Variants in ADGB observed in about 807,000 individuals in gnomAD.
ADGB encodes the protein calpain-7-like protein.
Under a neutral mutation model 210.5 loss-of-function variants are expected in ADGB, and 172 were observed. The ratio of observed to expected loss-of-function variants is 0.82; its 90% CI spans 0.72 to 0.93. ADGB has a LOEUF of 0.93. Among genes scored for constraint, ADGB ranks in the 40% least tolerant of loss-of-function variants. ADGB has a pLI of 0.00. For missense variants in ADGB, 2,025 were observed against 1,964.8 expected (o/e 1.03, Z -0.58); for synonymous variants, 658 against 662.7 (o/e 0.99, Z 0.11).
intron 13 of ADGB, among the ~76,000 whole-genome samples, chr6:146,702,302 C>A (rs1016400696): frequency 6.6e-6 from 1 of 151,842 alleles, no homozygotes; most frequent in South Asian, 2.1e-4. Context: ...GCATTTGATA[C>A]TGTATGATGT....
At chr6:146,785,186 C>G (rs1202789496) in intron 31 of ADGB, among the ~76,000 whole-genome samples, 1 of 152,188 alleles carries the variant, frequency 6.6e-6, no homozygotes, top group Non-Finnish European at 1.5e-5. Context: ...GTGCTGCCCC[C>G]TTGTGGAATA....
At chr6:146,770,900 T>G (rs1442856231) in intron 29 of ADGB, among the ~76,000 whole-genome samples, 1 of 152,074 alleles carries the variant, frequency 6.6e-6, no homozygotes, top group Non-Finnish European at 1.5e-5. Context: ...ATTCCCTGGA[T>G]AGTCATGGAA....
At chr6:146,751,857 T>C (rs1334918979) in intron 26 of ADGB, among the ~76,000 whole-genome samples, 6 of 152,158 alleles carry the variant, frequency 3.9e-5, no homozygotes, top group Admixed American at 3.9e-4. Flanking sequence ...AACAAAAAGT[T>C]ATATTTTTTA....
intron 1 of ADGB, among the ~76,000 whole-genome samples, chr6:146,611,471 C>T (rs140980629): frequency 3.7e-4 from 57 of 152,250 alleles, no homozygotes; most frequent in Non-Finnish European, 6.3e-4. Flanking sequence ...GCTCTCCATG[C>T]CAGCTCAAAT....
chr6:146,700,952 G>T lies in ADGB; in HGVS notation c.1589G>T (p.Arg530Leu), dbSNP rs775115322. The T allele has an allele frequency of 3.2e-6, 5 of 1,549,406 alleles. No individual in the cohort carries two copies. In the South Asian group the frequency reaches 6.0e-5, roughly 18 times the overall value. The change falls in exon 13 of 36, where the codon CGC becomes CTC. Residue 530 changes from arginine (R) to leucine (L), a missense_variant. Arg to Leu is a moderately radical substitution (Grantham distance 102). Coordinates refer to ENST00000397944, the MANE Select transcript of ADGB (RefSeq NM_024694.4). Reference sequence around the variant, plus strand: ...TGTTTTCCTTTTAGGCATTTTGTGCGCTCCTTAATTAAGAAAGGAATACCT... The same window carrying T: ...TGTTTTCCTTTTAGGCATTTTGTGCTCTCCTTAATTAAGAAAGGAATACCT... The part of the protein sequence containing the change: ...FTIPTEMHFV[R>L]SLIKKGIPPG...
In ADGB at chr6:146,742,410, C is replaced by A. The variant is rs543090184; in HGVS notation, c.3177+1139C>A. Among the ~76,000 whole-genome samples, 470 of 151,756 alleles carry A rather than the reference C, an allele frequency of 3.1e-3. 2 individuals carry two copies. The highest frequency in any genetic ancestry group is 0.011 in the African/African-American group (450 of 41,464). On this transcript the variant is annotated intron_variant, in intron 25 of 35. Transcript: ENST00000397944. The stretch of plus-strand genomic sequence containing the variant: ...TAAATTTGATATTATCAAATTGTAA[C>A]TTAAGCTTAAATTATTTTTATTTTG...
At chr6:146,606,141 A>G (rs1309205982) in intron 1 of ADGB, among the ~76,000 whole-genome samples, 1 of 152,046 alleles carries the variant, frequency 6.6e-6, no homozygotes, top group African/African-American at 2.4e-5. Flanking sequence ...ATGGTATTTC[A>G]CTGTGGTTTT....
At position 146,674,048 on chromosome 6, in the gene ADGB, C is replaced by G. The variant is rs193004689; in HGVS notation, c.1087+1581C>G. 5.9e-5 allele frequency among the ~76,000 whole-genome samples: 9 copies of G among 152,182 alleles called. 1 individual carries two copies. In the East Asian group the frequency reaches 1.7e-3, roughly 29 times the overall value. On this transcript the variant is annotated intron_variant, in intron 8 of 35. Transcript: ENST00000397944. The stretch of plus-strand genomic sequence containing the variant: ...CAACATCAGCAGAGCATTTTGTCAT[C>G]GGGGCCAAAGGAAAAAGTGTTGCAG...
rs545423541 is a variant in ADGB at position 146,739,180 on chromosome 6, G to A, written c.2889-1279G>A. Among the ~76,000 whole-genome samples, 3 of 152,206 alleles carry A rather than the reference G, an allele frequency of 2.0e-5. No homozygotes were observed. In the East Asian group the frequency reaches 5.8e-4, roughly 30 times the overall value. ...GGTCCTGTTACAGTCAATTCCCACT[G>A]TGACCAGCTTAATTCCCATGTTGGT... On this transcript the variant is annotated intron_variant, in intron 23 of 35. Coordinates refer to ENST00000397944, the MANE Select transcript of ADGB (RefSeq NM_024694.4).
chr6:146,753,046 TA>T (rs1023450147), intron 27 of ADGB, among the ~76,000 whole-genome samples: 7 of 152,082 alleles, frequency 4.6e-5, no homozygotes, highest in African/African-American at 1.7e-4. Context: ...TTGTACTTAC[TA>T]AAATTAACAA....
intron 11 of ADGB, among the ~76,000 whole-genome samples, chr6:146,692,350 C>T (rs1776341985): frequency 6.6e-6 from 1 of 152,138 alleles, no homozygotes; most frequent in African/African-American, 2.4e-5. Context: ...CTCTCCTGAC[C>T]TGCTGCTTTC....
At chr6:146,612,879 C>G (rs564542160) in intron 1 of ADGB, among the ~76,000 whole-genome samples, 1 of 152,242 alleles carries the variant, frequency 6.6e-6, no homozygotes, top group East Asian at 1.9e-4. Flanking sequence ...ATACTATTTA[C>G]CATTATTCCA....
chr6:146,674,806 T>C (rs961529557), intron 8 of ADGB, among the ~76,000 whole-genome samples: 6 of 152,154 alleles, frequency 3.9e-5, no homozygotes, highest in African/African-American at 9.7e-5. Flanking sequence ...ATTTAGGGTA[T>C]TGGCAAAAAC....
intron 2 of ADGB, among the ~76,000 whole-genome samples, chr6:146,643,789 C>A (rs577729874): frequency 2.6e-5 from 4 of 151,930 alleles, no homozygotes; most frequent in African/African-American, 4.8e-5. Flanking sequence ...GGTGAACAAA[C>A]GTCTTTACAT....
At chr6:146,606,298 T>C (rs949072986) in intron 1 of ADGB, among the ~76,000 whole-genome samples, 7 of 152,178 alleles carry the variant, frequency 4.6e-5, no homozygotes, top group African/African-American at 1.4e-4. Context: ...GATATTAAAC[T>C]ATTGTCAGAT....
intron 5 of ADGB, among the ~76,000 whole-genome samples, chr6:146,658,446 C>T (rs7744620): frequency 6.6e-6 from 1 of 151,974 alleles, no homozygotes; most frequent in Non-Finnish European, 1.5e-5. Flanking sequence ...AGAGGAAAAG[C>T]GAGGAGATAA....
chr6:146,716,867 CA>C lies in ADGB; in HGVS notation c.1742-15del. 1 of 1,526,620 alleles carries C rather than the reference CA, an allele frequency of 6.6e-7. No individual in the cohort carries two copies. Among genetic ancestry groups the C allele is most frequent in the Non-Finnish European group, 8.8e-7 (1 of 1,133,406 alleles). 94.6% of individuals were successfully genotyped at this position (1,526,620 alleles called of 1,614,324 possible). On this transcript the variant is annotated splice_polypyrimidine_tract_variant and intron_variant, in intron 14 of 35. Transcript: ENST00000397944. ...ATTTAACAATATAAGATGTGTTTGA[CA>C]TGTGTGTCTTCTAGGCACAGATGAA...
intron 21 of ADGB, 85 bp from the exon 22 acceptor site, chr6:146,733,808 G>A: frequency 7.1e-7 from 1 of 1,412,654 alleles, no homozygotes; most frequent in Non-Finnish European, 9.7e-7. Context: ...TTATATGTTG[G>A]AGGGCTTTGG....
intron 1 of ADGB, among the ~76,000 whole-genome samples, chr6:146,619,320 T>A (rs1780856314): frequency 1.3e-5 from 2 of 152,082 alleles, no homozygotes; most frequent in Non-Finnish European, 2.9e-5. Context: ...TAAAAATACA[T>A]TCAGCCACTC....
Sources: allele counts gnomAD v4.1 joint callset (sites outside exome capture counted in the v4.1 genomes callset), GRCh38; gene constraint gnomAD v4.1.1; transcripts MANE v1.5; gene names NCBI Gene and HGNC (gene_info 2026-07-23, HGNC 2026-07-21).